Variants in TRIP6 observed in about 807,000 individuals in gnomAD.
TRIP6 encodes the protein thyroid receptor-interacting protein 6.
A neutral mutation model predicts 51.9 loss-of-function variants in TRIP6; 33 were observed. That is an observed-to-expected ratio of 0.64 (90% CI 0.48 to 0.85). The LOEUF (loss-of-function observed/expected upper bound fraction) is 0.85, where lower values mean the gene tolerates loss of function less well. Among genes scored for constraint, TRIP6 ranks in the 40% least tolerant of loss-of-function variants. The pLI, the probability that TRIP6 is intolerant of heterozygous loss-of-function variation, is 0.00. For synonymous variants in TRIP6, 255 were observed against 275.8 expected, an observed-to-expected ratio of 0.92 and a Z score of 0.75; for missense variants, 661 against 652.1, an observed-to-expected ratio of 1.01 and a Z score of -0.15.
Position 100,870,477 on chromosome 7 carries a change from G to A in TRIP6, c.829+14G>A, listed in dbSNP as rs780714254. 2 of 1,610,866 alleles carry A rather than the reference G, an allele frequency of 1.2e-6. No homozygotes were observed. The highest frequency in any genetic ancestry group is 4.5e-5 in the East Asian group (2 of 44,864). On this transcript the variant is annotated intron_variant, in intron 5 of 8. Coordinates refer to ENST00000200457, the MANE Select transcript of TRIP6 (RefSeq NM_003302.3). ...GGGAGTACTTTGGTGAGCTGAGGCTGTGGGGTGGGTGGGACGTGGGAAGGG... is the reference window on the plus strand; with the variant it reads ...GGGAGTACTTTGGTGAGCTGAGGCTATGGGGTGGGTGGGACGTGGGAAGGG...
At position 100,868,582 on chromosome 7, in the gene TRIP6, G is replaced by C; in HGVS notation, c.451G>C (p.Gly151Arg). 1 of 1,612,976 alleles carries C rather than the reference G, an allele frequency of 6.2e-7. No individual in the cohort carries two copies. The highest frequency in any genetic ancestry group is 8.5e-7 in the Non-Finnish European group (1 of 1,179,998). ...GCCGCTCCCAGCGTCTCCCTATGGG[G>C]GCCCCACTCCAGCCTCTTACACTAC... The part of the protein sequence containing the change: ...ASPLPASPYG[G>R]PTPASYTTAS... The change falls in exon 4 of 9, where the codon GGC becomes CGC. Residue 151 changes from glycine to arginine, a missense_variant. Physicochemically the swap from Gly to Arg is moderately radical, Grantham distance 125 (BLOSUM62 -2). Coordinates refer to ENST00000200457, the MANE Select transcript of TRIP6 (RefSeq NM_003302.3).
In TRIP6 at chr7:100,868,220, G is replaced by C. The variant is rs145607668; in HGVS notation, c.350G>C (p.Arg117Pro). ...LNGGRGHASR[R>P]PDRQAYEPPP... ...GGGGGTCGGGGTCATGCGTCACGGCGACCAGACCGACAGGTGACTCTGCCC... is the reference window on the plus strand; with the variant it reads ...GGGGGTCGGGGTCATGCGTCACGGCCACCAGACCGACAGGTGACTCTGCCC... Residue 117 changes from arginine to proline, a missense_variant, in exon 3 of 9, where the codon CGA (arginine) becomes CCA (proline). Arg to Pro is a moderately radical substitution (Grantham distance 103). Transcript: ENST00000200457. The C allele has an allele frequency of 6.2e-7, 1 of 1,608,008 alleles. No homozygotes were observed. Among genetic ancestry groups the C allele is most frequent in the South Asian group, 1.1e-5 (1 of 90,870 alleles).
chr7:100,870,316 G>C (rs1341280568), intron 4 of TRIP6, 54 bp from the exon 5 acceptor site: 3 of 1,562,912 alleles, frequency 1.9e-6, no homozygotes, highest in African/African-American at 2.8e-5. Flanking sequence ...TGAGGGCCCT[G>C]GTATTACAGC....
In TRIP6 at chr7:100,867,519, C is replaced by G. The variant is rs1815164648; in HGVS notation, c.22C>G (p.Pro8Ala). ...GGCCATGTCGGGGCCCACCTGGCTGCCCCCGAAGCAGCCGGAGCCCGCCAG... is the reference window on the plus strand; with the variant it reads ...GGCCATGTCGGGGCCCACCTGGCTGGCCCCGAAGCAGCCGGAGCCCGCCAG... MSGPTWL[P>A]PKQPEPARAP... Residue 8 changes from proline (P) to alanine (A), a missense_variant, in exon 1 of 9, where the codon CCC (proline) becomes GCC (alanine). Pro to Ala is a conservative substitution (Grantham distance 27). Transcript: ENST00000200457. This position sits in a 1 kb window ranked among gnomAD's most constrained non-coding sequence, Gnocchi z 5.4. 1 of 1,508,136 alleles carries G rather than the reference C, an allele frequency of 6.6e-7. No homozygotes were observed. Among genetic ancestry groups the G allele is most frequent in the African/African-American group, 1.4e-5 (1 of 70,796 alleles). 93.4% of individuals were successfully genotyped at this position (1,508,136 alleles called of 1,614,324 possible).
chr7:100,869,828 AG>A (rs1435109052), intron 4 of TRIP6, among the ~76,000 whole-genome samples: 1 of 35,732 alleles, frequency 2.8e-5, no homozygotes, highest in African/African-American at 1.2e-4. Flanking sequence ...AGGGGGTGGG[AG>A]GGGGATGGTT....
At chr7:100,868,909 G>C in intron 4 of TRIP6, 43 bp downstream of exon 4, 1 of 1,455,782 alleles carries the variant, frequency 6.9e-7, no homozygotes. Flanking sequence ...ACAGACAATG[G>C]GACACCGACT....
chr7:100,867,920 G>C lies in TRIP6; in HGVS notation c.169G>C (p.Ala57Pro). 2 of 1,518,426 alleles carry C rather than the reference G, an allele frequency of 1.3e-6. No homozygotes were observed. Among genetic ancestry groups the C allele is most frequent in the Non-Finnish European group, 8.8e-7 (1 of 1,138,246 alleles). 94.1% of individuals were successfully genotyped at this position (1,518,426 alleles called of 1,614,324 possible). A position where few individuals can be genotyped will look rare whatever the true frequency, so the allele number is the denominator to read the frequency against. The change falls in exon 2 of 9, where the codon GCC becomes CCC. Residue 57 changes from alanine (A) to proline (P), a missense_variant. Transcript: ENST00000200457. The surrounding 1 kb of genome is among the most constrained non-coding windows in gnomAD (Gnocchi z 5.4). ...CPLPSEQCYQ[A>P]PGGPEDRGPA... ...CCTTCCATCTGAGCAGTGTTACCAGGCCCCAGGGGGACCGGAGGATCGGGG... is the reference window on the plus strand; with the variant it reads ...CCTTCCATCTGAGCAGTGTTACCAGCCCCCAGGGGGACCGGAGGATCGGGG...
At chr7:100,871,309 A>G in intron 6 of TRIP6, 3 of 586,228 alleles carry the variant, frequency 5.1e-6, no homozygotes, top group Non-Finnish European at 9.1e-6. Context: ...TGCTGGCATT[A>G]CAGGCGTGAG....
rs928295343 is a variant in TRIP6 at position 100,868,165 on chromosome 7, T to C, written c.295T>C (p.Leu99=). 1 of 1,611,074 alleles carries C rather than the reference T, an allele frequency of 6.2e-7. No individual in the cohort carries two copies. Among genetic ancestry groups the C allele is most frequent in the Non-Finnish European group, 8.5e-7 (1 of 1,178,960 alleles). Residue 99 remains leucine (L), a synonymous_variant, in exon 3 of 9, where the codon TTG becomes CTG. Transcript: ENST00000200457. The part of the protein sequence containing the change: ...RPGSLDAEID[L]LSSTLAELNG... ...TGGAAGCCTGGACGCCGAGATAGAC[T>C]TGCTGAGCAGCACGCTGGCCGAGCT...
rs1815307758 is a variant in TRIP6 at position 100,873,082 on chromosome 7, C to A, written c.1300-90C>A. The A allele has an allele frequency of 1.6e-5, 24 of 1,525,206 alleles. No individual in the cohort carries two copies. The South Asian group carries it at 2.7e-4, about 17-fold the overall frequency. The allele number at this position is 1,525,206 out of a possible 1,614,324, so 94.5% of individuals were successfully genotyped here. On this transcript the variant is annotated intron_variant, in intron 8 of 8. Coordinates refer to ENST00000200457, the MANE Select transcript of TRIP6 (RefSeq NM_003302.3). ...GCCAGGCTGGTCTTGAACTCCTGAC[C>A]TTGTGATCCTCCTGCCTCGGCTTCT...
In TRIP6 at chr7:100,868,690, G is replaced by C; in HGVS notation, c.559G>C (p.Gly187Arg). The change falls in exon 4 of 9, where the codon GGA (glycine) becomes CGA (arginine). Residue 187 changes from glycine to arginine, a missense_variant. Transcript: ENST00000200457. ...PVRGCGPPRR[G>R]ASQASGPLPG... The stretch of plus-strand genomic sequence containing the variant: ...GAGGGGCTGCGGCCCACCCAGGCGG[G>C]GAGCCTCTCAGGCCTCTGGGCCCCT... 2 of 1,601,044 alleles carry C rather than the reference G, an allele frequency of 1.2e-6. No homozygotes were observed. Among genetic ancestry groups the C allele is most frequent in the Non-Finnish European group, 1.7e-6 (2 of 1,173,612 alleles).
chr7:100,872,965 C>G, intron 8 of TRIP6: 1 of 1,078,894 alleles, frequency 9.3e-7, no homozygotes, highest in Non-Finnish European at 1.3e-6. Context: ...ATTCTCCTGC[C>G]TCAGCCTCCT....
At chr7:100,870,878 A>C in intron 6 of TRIP6, 135 bp downstream of exon 6, 1 of 1,256,924 alleles carries the variant, frequency 8.0e-7, no homozygotes, top group Non-Finnish European at 1.1e-6. Context: ...ATGTACAAAC[A>C]GGGCGGAATT....
At position 100,867,585 on chromosome 7, in the gene TRIP6, C is replaced by T; in HGVS notation, c.88C>T (p.Pro30Ser). The change falls in exon 1 of 9, where the codon CCA (proline) becomes TCA (serine). Residue 30 changes from proline to serine, a missense_variant. Coordinates refer to ENST00000200457, the MANE Select transcript of TRIP6 (RefSeq NM_003302.3). This position sits in a 1 kb window ranked among gnomAD's most constrained non-coding sequence, Gnocchi z 5.4. ...GGCGATCCCCCGCGGCACCCCGGGG[C>T]CACCACCGGCCCACGGAGCAGGTAA... ...GRAIPRGTPG[P>S]PPAHGAALQP... is the part of the protein sequence containing the mutation. The T allele has an allele frequency of 1.3e-6, 2 of 1,539,410 alleles. No individual in the cohort carries two copies. Among genetic ancestry groups the T allele is most frequent in the Non-Finnish European group, 8.7e-7 (1 of 1,146,174 alleles).
chr7:100,868,023 AT>A (rs749310635), intron 2 of TRIP6, 35 bp downstream of exon 2: 1 of 1,520,486 alleles, frequency 6.6e-7, no homozygotes, highest in South Asian at 1.3e-5. Flanking sequence ...GACATGTGGG[AT>A]CCCCCAGAAC....
Position 100,870,694 on chromosome 7 carries a change from A to G in TRIP6, c.950A>G (p.Gln317Arg). Reference protein sequence around the residue: ...CSTCRAQLRGQHFYAVERRAY... With the variant: ...CSTCRAQLRGRHFYAVERRAY... ...ACATGCCGGGCCCAGCTTCGCGGCC[A>G]GCATTTCTACGCCGTGGAGAGGAGG... Residue 317 changes from glutamine to arginine, a missense_variant, in exon 6 of 9, where the codon CAG (glutamine) becomes CGG (arginine). By Grantham distance (43) the Gln-to-Arg change is conservative. Transcript: ENST00000200457. The G allele has an allele frequency of 6.2e-7, 1 of 1,614,152 alleles. No individual in the cohort carries two copies. The highest frequency in any genetic ancestry group is 8.5e-7 in the Non-Finnish European group (1 of 1,180,004).
In TRIP6 at chr7:100,867,552, CAG is replaced by C; in HGVS notation, c.56_57del (p.Gln19ArgfsTer33). ...PKQPEPARAP[Q>X]GRAIPRGTPG... is the part of the protein sequence containing the mutation. ...GCAGCCGGAGCCCGCCAGAGCCCCT[CAG>C]GGGAGGGCGATCCCCCGCGGCACCC... On this transcript the variant is annotated frameshift_variant, in exon 1 of 9. Coordinates refer to ENST00000200457, the MANE Select transcript of TRIP6 (RefSeq NM_003302.3). LOFTEE classifies it high-confidence loss of function. This position sits in a 1 kb window ranked among gnomAD's most constrained non-coding sequence, Gnocchi z 5.4. The C allele has an allele frequency of 6.5e-7, 1 of 1,540,000 alleles. No individual in the cohort carries two copies. The highest frequency in any genetic ancestry group is 8.7e-7 in the Non-Finnish European group (1 of 1,145,220).
At position 100,871,566 on chromosome 7, in the gene TRIP6, G is replaced by C; in HGVS notation, c.1023G>C (p.Thr341=). ...AGGCCACCCTGGAGAAATGTGCCAC[G>C]TGCTCCCAGCCCATCCTGGACCGGA... is the stretch of plus-strand genomic sequence containing the variant. ...CYVATLEKCA[T]CSQPILDRIL... Residue 341 remains threonine (T), a synonymous_variant, in exon 7 of 9, where the codon ACG becomes ACC. Transcript: ENST00000200457. The C allele has an allele frequency of 6.2e-7, 1 of 1,613,952 alleles. No individual in the cohort carries two copies. Among genetic ancestry groups the C allele is most frequent in the Non-Finnish European group, 8.5e-7 (1 of 1,179,946 alleles).
intron 7 of TRIP6, 38 bp downstream of exon 7, chr7:100,871,759 C>T: frequency 3.7e-6 from 6 of 1,600,040 alleles, no homozygotes; most frequent in Non-Finnish European, 5.1e-6. Context: ...CAATGTCTGA[C>T]CTTTCCTGTC....
Sources: gnomAD v4.1 joint callset for allele counts (sites outside exome capture counted in the v4.1 genomes callset) on GRCh38, gnomAD v4.1.1 for gene constraint, Gnocchi (gnomAD v3.1) non-coding constraint, MANE v1.5 for transcripts, NCBI Gene and HGNC (gene_info 2026-07-23, HGNC 2026-07-21) for gene names.